The following MUC17 variants were observed in gnomAD, a reference collection of about 807,000 sequenced individuals.
MUC17 encodes the protein mucin 17, cell surface associated, also known as mucin-17.
Under a neutral mutation model 170.3 loss-of-function variants are expected in MUC17, and 190 were observed. The observed-to-expected ratio is 1.12, with a 90% CI of 0.99 to 1.26. MUC17 has a LOEUF of 1.26. Among genes scored for constraint, MUC17 ranks in the 50% most tolerant of loss-of-function variants. The probability of loss-of-function intolerance (pLI) is 0.00; values close to 1 mark genes in which losing one functional copy is unlikely to be tolerated. For synonymous variants in MUC17, 2,325 were observed against 2,002.5 expected, an observed-to-expected ratio of 1.16 and a Z score of -4.30; for missense variants, 6,415 against 5,530.0, an observed-to-expected ratio of 1.16 and a Z score of -5.08.
Position 101,034,171 on chromosome 7 carries a change from C to T in MUC17, c.2755C>T (p.Pro919Ser), listed in dbSNP as rs771385983. 8.8e-6 allele frequency: 14 copies of T among 1,583,952 alleles called. No homozygotes were observed. Among genetic ancestry groups the T allele is most frequent in the Non-Finnish European group, 1.2e-5 (14 of 1,163,902 alleles). Residue 919 changes from proline to serine, a missense_variant, in exon 3 of 13, where the codon CCT (proline) becomes TCT (serine). By Grantham distance (74) the Pro-to-Ser change is moderately conservative. Coordinates refer to ENST00000306151, the MANE Select transcript of MUC17 (RefSeq NM_001040105.2). ...SEGTSMPTST[P>S]GEGSTPLTSM... is the part of the protein sequence containing the mutation. ...AGGTACCAGCATGCCAACCTCAACT[C>T]CTGGGGAAGGAAGCACTCCATTAAC...
rs763090261 is a variant in MUC17 at position 101,042,854 on chromosome 7, G to C, written c.11438G>C (p.Ser3813Thr). The C allele has an allele frequency of 1.2e-6, 2 of 1,614,112 alleles. No individual in the cohort carries two copies. The change falls in exon 3 of 13, where the codon AGC (serine) becomes ACC (threonine). Residue 3813 changes from serine (S) to threonine (T), a missense_variant. Transcript: ENST00000306151. ...TMPMSTTSER[S>T]TLLTTVLISP... ...CCTATGTCAACTACGAGTGAAAGAA[G>C]CACTTTATTGACAACTGTCCTCATC...
At position 101,032,623 on chromosome 7, in the gene MUC17, A is replaced by G. The variant is rs1358864412; in HGVS notation, c.1207A>G (p.Ile403Val). The stretch of plus-strand genomic sequence containing the variant: ...ATTAACAAATATGCCTGTCAGCACC[A>G]TATTGGTGGCCAGTTCTGAGGCTAG... ...TPLTNMPVST[I>V]LVASSEASTT... Residue 403 changes from isoleucine to valine, a missense_variant, in exon 3 of 13, where the codon ATA (isoleucine) becomes GTA (valine). By Grantham distance (29) the Ile-to-Val change is conservative. Transcript: ENST00000306151. 1.2e-6 allele frequency: 2 copies of G among 1,613,508 alleles called. No individual in the cohort carries two copies. The highest frequency in any genetic ancestry group is 1.7e-6 in the Non-Finnish European group (2 of 1,179,710).
chr7:101,043,892 C>T, intron 3 of MUC17, 73 bp downstream of exon 3: 10 of 1,410,946 alleles, frequency 7.1e-6, no homozygotes, highest in Non-Finnish European at 9.7e-6. Context: ...GCACAACGTG[C>T]AGGTTTGTTA....
rs754188619 is a variant in MUC17, at chr7:101,058,015, A to G, written c.13453A>G (p.Arg4485Gly). 1.9e-6 allele frequency: 3 copies of G among 1,613,906 alleles called. No homozygotes were observed. Among genetic ancestry groups the G allele is most frequent in the Non-Finnish European group, 2.5e-6 (3 of 1,179,842 alleles). ...IDPETKIRIQ[R>G]PQVMTTSF is the part of the protein sequence containing the mutation. The stretch of plus-strand genomic sequence containing the variant: ...TCTCTCTTTTCAGATCCGAATTCAG[A>G]GGCCTCAGGTAATGACGACATCATT... Residue 4485 changes from arginine (R) to glycine (G), a missense_variant, in exon 13 of 13, where the codon AGG becomes GGG. Arg to Gly is a moderately radical substitution (Grantham distance 125). Coordinates refer to ENST00000306151, the MANE Select transcript of MUC17 (RefSeq NM_001040105.2).
In MUC17 at chr7:101,040,765, G is replaced by A. The variant is rs774444989; in HGVS notation, c.9349G>A (p.Val3117Met). 94 of 1,613,082 alleles carry A rather than the reference G, an allele frequency of 5.8e-5. 2 individuals carry two copies. Among genetic ancestry groups the A allele is most frequent in the Admixed American group, 2.0e-4 (12 of 59,780 alleles). ...LTGVPVSTTP[V>M]TSSAISTLST... ...AGGTGTGCCTGTCAGCACCACACCG[G>A]TGACCAGTTCTGCAATCAGCACCCT... The change falls in exon 3 of 13, where the codon GTG (valine) becomes ATG (methionine). Residue 3117 changes from valine (V) to methionine (M), a missense_variant. Physicochemically the swap from Val to Met is conservative, Grantham distance 21. Coordinates refer to ENST00000306151, the MANE Select transcript of MUC17 (RefSeq NM_001040105.2).
Position 101,041,495 on chromosome 7 carries a change from T to A in MUC17, c.10079T>A (p.Leu3360His), listed in dbSNP as rs200579227. Residue 3360 changes from leucine to histidine, a missense_variant, in exon 3 of 13, where the codon CTT (leucine) becomes CAT (histidine). Physicochemically the swap from Leu to His is moderately conservative, Grantham distance 99. Coordinates refer to ENST00000306151, the MANE Select transcript of MUC17 (RefSeq NM_001040105.2). ...GTGGTCAGTTCTGAGGCTAGCACCC[T>A]TTCCACAACTCCTGTTGACACCAGC... ...TPVVSSEAST[L>H]STTPVDTSTP... 6.1e-5 allele frequency: 99 copies of A among 1,613,794 alleles called. No homozygotes were observed. The highest frequency in any genetic ancestry group is 7.6e-5 in the Non-Finnish European group (90 of 1,179,926).
intron 12 of MUC17, among the ~76,000 whole-genome samples, chr7:101,057,778 G>A (rs189944559): frequency 6.6e-6 from 1 of 152,280 alleles, no homozygotes; most frequent in African/African-American, 2.4e-5. Context: ...TACTTGGGAG[G>A]CTGAGGTGGG....
intron 7 of MUC17, among the ~76,000 whole-genome samples, chr7:101,051,035 G>A (rs1178654993): frequency 6.6e-6 from 1 of 152,042 alleles, no homozygotes; most frequent in African/African-American, 2.4e-5. Context: ...TTACACAGGG[G>A]TTCATCTAAG....
At chr7:101,022,199 G>T (rs1794104229) in intron 1 of MUC17, among the ~76,000 whole-genome samples, 1 of 138,962 alleles carries the variant, frequency 7.2e-6, no homozygotes, top group South Asian at 2.2e-4. Context: ...AGGAGTCTCA[G>T]TCTATCTCCC....
In MUC17 at chr7:101,035,123, C is replaced by A. The variant is rs1794423338; in HGVS notation, c.3707C>A (p.Ala1236Asp). The A allele has an allele frequency of 6.2e-7, 1 of 1,610,794 alleles. No homozygotes were observed. The highest frequency in any genetic ancestry group is 8.5e-7 in the Non-Finnish European group (1 of 1,178,584). ...CACACGCCAGTGGCCAGTTCTGAGG[C>A]TAGCACCCTTTCAACATCTCCCGTT... is the stretch of plus-strand genomic sequence containing the variant. ...VRHTPVASSE[A>D]STLSTSPVDT... Residue 1236 changes from alanine (A) to aspartate (D), a missense_variant, in exon 3 of 13, where the codon GCT becomes GAT. Coordinates refer to ENST00000306151, the MANE Select transcript of MUC17 (RefSeq NM_001040105.2).
Position 101,051,785 on chromosome 7 carries a change from C to T in MUC17, c.12944-18C>T, listed in dbSNP as rs768947197. ...CCCTCTGATCACGGCTGTTCCCTGTCCCTGCACCCCCCACCAGAGGACTGC... is the reference window on the plus strand; with the variant it reads ...CCCTCTGATCACGGCTGTTCCCTGTTCCTGCACCCCCCACCAGAGGACTGC... On this transcript the variant is annotated intron_variant, in intron 8 of 12. Transcript: ENST00000306151. 1.1e-5 allele frequency: 18 copies of T among 1,611,234 alleles called. No homozygotes were observed. The highest frequency in any genetic ancestry group is 5.3e-5 in the African/African-American group (4 of 74,904).
rs887426052 is a variant in MUC17, at chr7:101,036,876, G to A, written c.5460G>A (p.Val1820=). ...LTSTPVSHTL[V]ANSEASTLST... ...GCACACCTGTCAGCCACACGCTGGT[G>A]GCCAATTCTGAGGCTAGCACCCTTT... The change falls in exon 3 of 13, where the codon GTG becomes GTA. Residue 1820 remains valine (V), a synonymous_variant. Transcript: ENST00000306151. 1.9e-6 allele frequency: 3 copies of A among 1,609,944 alleles called. No individual in the cohort carries two copies. The highest frequency in any genetic ancestry group is 2.3e-5 in the East Asian group (1 of 44,368).
At chr7:101,028,172 A>G (rs1414091084) in intron 1 of MUC17, among the ~76,000 whole-genome samples, 2 of 149,684 alleles carry the variant, frequency 1.3e-5, no homozygotes, top group African/African-American at 4.9e-5. Flanking sequence ...GCTCACTGCA[A>G]CCTCTGCCTC....
rs1794498742 is a variant in MUC17 at position 101,036,829 on chromosome 7, G to A, written c.5413G>A (p.Glu1805Lys). 2 of 1,605,574 alleles carry A rather than the reference G, an allele frequency of 1.2e-6. No individual in the cohort carries two copies. The highest frequency in any genetic ancestry group is 1.3e-5 in the African/African-American group (1 of 74,078). ...GTSIPTSTLS[E>K]GMTPLTSTPV... is the part of the protein sequence containing the mutation. ...CAGCATACCAACCTCGACTCTTAGT[G>A]AAGGAATGACTCCATTAACAAGCAC... Residue 1805 changes from glutamate to lysine, a missense_variant, in exon 3 of 13, where the codon GAA becomes AAA. Transcript: ENST00000306151.
At chr7:101,021,122 T>A (rs1410411694) in intron 1 of MUC17, among the ~76,000 whole-genome samples, 1 of 151,480 alleles carries the variant, frequency 6.6e-6, no homozygotes, top group Non-Finnish European at 1.5e-5. Context: ...GTATCTCTAA[T>A]AACAGCATCT....
intron 12 of MUC17, among the ~76,000 whole-genome samples, chr7:101,056,653 C>G (rs540092779): frequency 1.2e-4 from 19 of 152,294 alleles, no homozygotes; most frequent in African/African-American, 4.6e-4. Flanking sequence ...ATGTTTCTTT[C>G]TTTGTATTGA....
At chr7:101,057,338 C>A (rs1795063942) in intron 12 of MUC17, among the ~76,000 whole-genome samples, 1 of 152,184 alleles carries the variant, frequency 6.6e-6, no homozygotes, top group South Asian at 2.1e-4. Context: ...CTTGACATAG[C>A]CCTTTGGGCA....
chr7:101,046,377 C>A (rs931484038), intron 3 of MUC17, among the ~76,000 whole-genome samples: 1 of 152,170 alleles, frequency 6.6e-6, no homozygotes. Flanking sequence ...GAAAACAGAG[C>A]TTTAGATTTT....
chr7:101,057,307 C>T (rs1385026508), intron 12 of MUC17, among the ~76,000 whole-genome samples: 1 of 152,158 alleles, frequency 6.6e-6, no homozygotes, highest in Non-Finnish European at 1.5e-5. Context: ...CAAGTGTGAA[C>T]GTCTTCAGGT....
Sources: allele counts gnomAD v4.1 joint callset (sites outside exome capture counted in the v4.1 genomes callset), GRCh38; gene constraint gnomAD v4.1.1; transcripts MANE v1.5; gene names NCBI Gene and HGNC (gene_info 2026-07-23, HGNC 2026-07-21).